The following SUCLG2 variants were observed in gnomAD, a reference collection of about 807,000 sequenced individuals.
SUCLG2 encodes the protein succinate-CoA ligase GDP-forming subunit beta.
A neutral mutation model predicts 47.9 loss-of-function variants in SUCLG2; 42 were observed. That is an observed-to-expected ratio of 0.88 (90% confidence interval 0.69 to 1.14). SUCLG2 has a LOEUF of 1.14. SUCLG2 is among the 50% of genes most tolerant of loss of function. The pLI, the probability that SUCLG2 is intolerant of heterozygous loss-of-function variation, is 0.00. For synonymous variants in SUCLG2, 195 were observed against 197.3 expected, an observed-to-expected ratio of 0.99 and a Z score of 0.10; for missense variants, 571 against 525.9, an observed-to-expected ratio of 1.09 and a Z score of -0.84.
chr3:67,400,997 C>T, intron 9 of SUCLG2, 146 bp from the exon 10 acceptor site: 2 of 1,146,902 alleles, frequency 1.7e-6, no homozygotes, highest in South Asian at 1.6e-5. Flanking sequence ...CAAAAATGGC[C>T]CAGAACATGT....
chr3:67,457,545 CAGA>C (rs1704216027), intron 9 of SUCLG2, among the ~76,000 whole-genome samples: 1 of 152,074 alleles, frequency 6.6e-6, no homozygotes, highest in Admixed American at 6.6e-5. Context: ...CTCCTACTTA[CAGA>C]AGATGCCCGA....
chr3:67,414,667 G>C (rs1414545646), intron 9 of SUCLG2, among the ~76,000 whole-genome samples: 1 of 152,044 alleles, frequency 6.6e-6, no homozygotes, highest in Non-Finnish European at 1.5e-5. Flanking sequence ...AAAACACTAG[G>C]CTTACTAGAC....
intron 9 of SUCLG2, among the ~76,000 whole-genome samples, chr3:67,401,259 A>G (rs1702678387): frequency 1.3e-5 from 2 of 152,184 alleles, no homozygotes; most frequent in Non-Finnish European, 2.9e-5. Flanking sequence ...TGCCTCACAC[A>G]ATATTTCAAA....
rs1575654696 is a variant in SUCLG2 at position 67,375,450 on chromosome 3, A to C, written c.*294T>G. On this transcript the variant is annotated 3_prime_UTR_variant, in exon 11 of 11. Coordinates refer to ENST00000307227, the MANE Select transcript of SUCLG2 (RefSeq NM_003848.4). The stretch of plus-strand genomic sequence containing the variant: ...GATTTCAAATTCTGTCTATACACAC[A>C]ATATTTGGCCACATAGACCACTCCC... 7 of 1,060,224 alleles carry C rather than the reference A, an allele frequency of 6.6e-6. No individual in the cohort carries two copies. The highest frequency in any genetic ancestry group is 8.2e-5 in the South Asian group (2 of 24,312). 65.7% of individuals were successfully genotyped at this position (1,060,224 alleles called of 1,614,324 possible). A position where few individuals can be genotyped will look rare whatever the true frequency, so the allele number is the denominator to read the frequency against.
intron 9 of SUCLG2, among the ~76,000 whole-genome samples, chr3:67,460,719 A>G (rs372546123): frequency 1.3e-5 from 2 of 152,198 alleles, no homozygotes; most frequent in South Asian, 4.1e-4. Context: ...AAAAGGACTT[A>G]GGAAATCTAG....
intron 9 of SUCLG2, among the ~76,000 whole-genome samples, chr3:67,444,049 G>C (rs1434340394): frequency 8.4e-6 from 1 of 119,346 alleles, no homozygotes; most frequent in Non-Finnish European, 1.9e-5. Context: ...CGCCCCGTCC[G>C]GGAGGGAGGT....
intron 1 of SUCLG2, among the ~76,000 whole-genome samples, chr3:67,628,058 T>A (rs1473821004): frequency 6.6e-6 from 1 of 152,198 alleles, no homozygotes. Flanking sequence ...TATGTTAAAT[T>A]TTATCTGTTA....
At chr3:67,411,387 T>C (rs1702929030) in intron 9 of SUCLG2, among the ~76,000 whole-genome samples, 1 of 152,154 alleles carries the variant, frequency 6.6e-6, no homozygotes, top group Non-Finnish European at 1.5e-5. Context: ...ATAATGATCC[T>C]GTGAGGTTTT....
intron 1 of SUCLG2, among the ~76,000 whole-genome samples, chr3:67,622,503 G>A (rs895876244): frequency 5.3e-5 from 8 of 152,114 alleles, no homozygotes; most frequent in Non-Finnish European, 1.2e-4. Context: ...GAGCAAATCT[G>A]AGAAAATAGT....
At chr3:67,442,267 C>T (rs1349297743) in intron 9 of SUCLG2, among the ~76,000 whole-genome samples, 3 of 152,144 alleles carry the variant, frequency 2.0e-5, no homozygotes, top group African/African-American at 7.2e-5. Context: ...GCCTCGGCCT[C>T]CCAAAGTGCT....
At chr3:67,390,817 T>C (rs550249099) in intron 10 of SUCLG2, among the ~76,000 whole-genome samples, 1 of 152,204 alleles carries the variant, frequency 6.6e-6, no homozygotes, top group Non-Finnish European at 1.5e-5. Flanking sequence ...ACAAAATGTT[T>C]TGAGTGGTTT....
intron 9 of SUCLG2, among the ~76,000 whole-genome samples, chr3:67,471,494 A>G (rs1235012488): frequency 2.0e-5 from 3 of 152,280 alleles, no homozygotes; most frequent in East Asian, 3.9e-4. Flanking sequence ...TTACCACTCT[A>G]TTGAAACCAG....
intron 9 of SUCLG2, among the ~76,000 whole-genome samples, chr3:67,488,763 C>G (rs756994347): frequency 6.6e-6 from 1 of 152,120 alleles, no homozygotes; most frequent in African/African-American, 2.4e-5. Context: ...AACAACAACC[C>G]TAACTCTTCT....
intron 9 of SUCLG2, among the ~76,000 whole-genome samples, chr3:67,470,074 A>T (rs932920048): frequency 6.6e-6 from 1 of 152,124 alleles, no homozygotes; most frequent in Non-Finnish European, 1.5e-5. Context: ...ATGTTGTCCA[A>T]GGAATTAACT....
At chr3:67,587,279 A>G (rs1453176611) in intron 2 of SUCLG2, among the ~76,000 whole-genome samples, 1 of 152,222 alleles carries the variant, frequency 6.6e-6, no homozygotes, top group Non-Finnish European at 1.5e-5. Context: ...TCCCAAATGA[A>G]AATAGGTAGG....
chr3:67,529,726 T>C lies in SUCLG2; in HGVS notation c.227-540A>G, dbSNP rs538190808. ...TAGGGTTGGGAAAGGGAGGAGGAAA[T>C]GGATTAAAACTAAAAGCAAGCAATA... On this transcript the variant is annotated intron_variant, in intron 2 of 10. Coordinates refer to ENST00000307227, the MANE Select transcript of SUCLG2 (RefSeq NM_003848.4). 6.6e-5 allele frequency among the ~76,000 whole-genome samples: 10 copies of C among 152,292 alleles called. No homozygotes were observed. In the South Asian group the frequency reaches 2.1e-3, roughly 32 times the overall value.
At chr3:67,593,417 T>C (rs762575590) in intron 2 of SUCLG2, among the ~76,000 whole-genome samples, 4 of 151,892 alleles carry the variant, frequency 2.6e-5, no homozygotes, top group Admixed American at 6.5e-5. Context: ...CAATTGTATA[T>C]CCAGCAAATA....
At chr3:67,615,701 G>A (rs553753470) in intron 1 of SUCLG2, among the ~76,000 whole-genome samples, 15 of 150,622 alleles carry the variant, frequency 1.0e-4, no homozygotes, top group African/African-American at 2.9e-4. Context: ...CACTTTCTCA[G>A]ATACTATCCT....
chr3:67,611,132 G>C lies in SUCLG2; in HGVS notation c.85-1536C>G, dbSNP rs953429268. 5.3e-5 allele frequency among the ~76,000 whole-genome samples: 8 copies of C among 152,272 alleles called. No homozygotes were observed. In the South Asian group the frequency reaches 1.2e-3, roughly 24 times the overall value. On this transcript the variant is annotated intron_variant, in intron 1 of 10. Coordinates refer to ENST00000307227, the MANE Select transcript of SUCLG2 (RefSeq NM_003848.4). Reference sequence around the variant, plus strand: ...AAGTACAAGTTAGTCCTTAAGATGTGAAATAAACATAATATAATGTATACA... The same window carrying C: ...AAGTACAAGTTAGTCCTTAAGATGTCAAATAAACATAATATAATGTATACA...
Sources: gnomAD v4.1 joint callset for allele counts (sites outside exome capture counted in the v4.1 genomes callset) on GRCh38, gnomAD v4.1.1 for gene constraint, MANE v1.5 for transcripts, NCBI Gene and HGNC (gene_info 2026-07-23, HGNC 2026-07-21) for gene names.